Variants in TENM2 observed in about 807,000 individuals in gnomAD.
The protein encoded by TENM2 is teneurin-2.
TENM2 carries 52 observed loss-of-function variants against 245.2 expected under a neutral mutation model. That is an observed-to-expected ratio of 0.21 (90% CI 0.17 to 0.27). The LOEUF is 0.27. Ranked by LOEUF, TENM2 falls within the 10% of genes least tolerant of loss-of-function variation. The probability of loss-of-function intolerance (pLI) is 1.00; values close to 1 mark genes in which losing one functional copy is unlikely to be tolerated. For synonymous variants in TENM2, 1,363 were observed against 1,438.9 expected (o/e 0.95, Z 1.19); for missense variants, 3,046 against 3,666.8 (o/e 0.83, Z 4.37).
At chr5:167,693,031 T>A (rs1237600045) in intron 2 of TENM2, among the ~76,000 whole-genome samples, 1 of 152,228 alleles carries the variant, frequency 6.6e-6, no homozygotes, top group Non-Finnish European at 1.5e-5. Flanking sequence ...GGCCACTGAT[T>A]AAAGGGCATT....
chr5:167,488,856 G>A (rs1429403113), intron 2 of TENM2, among the ~76,000 whole-genome samples: 1 of 152,110 alleles, frequency 6.6e-6, no homozygotes, highest in Non-Finnish European at 1.5e-5. Context: ...CTCTCAAGTG[G>A]TCCTAGCTAT....
intron 2 of TENM2, among the ~76,000 whole-genome samples, chr5:167,618,148 T>C (rs1377255678): frequency 6.6e-6 from 1 of 152,146 alleles, no homozygotes; most frequent in Non-Finnish European, 1.5e-5. Flanking sequence ...ATAATGGTTA[T>C]CATTTATCGA....
At chr5:167,388,220 A>G (rs183272115) in intron 2 of TENM2, among the ~76,000 whole-genome samples, 5 of 152,250 alleles carry the variant, frequency 3.3e-5, no homozygotes, top group Admixed American at 6.5e-5. Flanking sequence ...CAGGGTATCT[A>G]ATTCTTCCTG....
intron 2 of TENM2, among the ~76,000 whole-genome samples, chr5:167,767,316 G>A (rs970779336): frequency 3.9e-5 from 6 of 152,178 alleles, no homozygotes; most frequent in Non-Finnish European, 5.9e-5. Context: ...AATATTGTAT[G>A]ATTCTACTTA....
chr5:167,374,635 T>C (rs1170672269), intron 1 of TENM2, among the ~76,000 whole-genome samples: 1 of 152,018 alleles, frequency 6.6e-6, no homozygotes, highest in African/African-American at 2.4e-5. Context: ...TAGCTGCCAC[T>C]CGTATTCATT....
At chr5:167,823,869 A>G (rs577900958) in intron 2 of TENM2, among the ~76,000 whole-genome samples, 1 of 152,100 alleles carries the variant, frequency 6.6e-6, no homozygotes, top group Non-Finnish European at 1.5e-5. Flanking sequence ...GGGGCTGGGG[A>G]AGTAGAGAAG....
chr5:167,402,598 A>G (rs544135345), intron 2 of TENM2, among the ~76,000 whole-genome samples: 8 of 152,292 alleles, frequency 5.3e-5, no homozygotes, highest in East Asian at 3.9e-4. Context: ...GCTGAAGTGT[A>G]GATTCTCTCT....
At chr5:168,025,610 G>C (rs1403345767) in intron 5 of TENM2, among the ~76,000 whole-genome samples, 1 of 152,196 alleles carries the variant, frequency 6.6e-6, no homozygotes, top group Non-Finnish European at 1.5e-5. Flanking sequence ...GATACAGGTA[G>C]GGTTTCCTTC....
At chr5:168,004,640 C>T (rs562061400) in intron 5 of TENM2, among the ~76,000 whole-genome samples, 32 of 152,080 alleles carry the variant, frequency 2.1e-4, no homozygotes, top group Admixed American at 1.7e-3. Flanking sequence ...AGTATCTGGA[C>T]GGATGGATTT....
At chr5:167,535,016 A>G (rs1771757925) in intron 2 of TENM2, among the ~76,000 whole-genome samples, 1 of 152,156 alleles carries the variant, frequency 6.6e-6, no homozygotes, top group South Asian at 2.1e-4. Context: ...TTTCTCAGAG[A>G]TAAAAATAGT....
At chr5:166,987,309 A>C in the TENM2 span, among the ~76,000 whole-genome samples, 964 of 152,170 alleles carry the variant, frequency 6.3e-3, 2 homozygotes, top group Non-Finnish European at 0.01. Context: ...GGAGGGGGGA[A>C]AATGTGTTTG....
At chr5:167,446,583 T>C (rs1765220762) in intron 2 of TENM2, among the ~76,000 whole-genome samples, 1 of 152,174 alleles carries the variant, frequency 6.6e-6, no homozygotes, top group Non-Finnish European at 1.5e-5. Flanking sequence ...TTTGTTTTAT[T>C]CTTAGTTTGC....
intron 27 of TENM2, among the ~76,000 whole-genome samples, chr5:168,250,168 ATGGG>A (rs1278943871): frequency 6.9e-6 from 1 of 144,416 alleles, no homozygotes; most frequent in East Asian, 2.2e-4. Flanking sequence ...GGATGGATGG[ATGGG>A]TAAATAGATG....
At chr5:167,937,206 T>G (rs1391186747) in intron 3 of TENM2, among the ~76,000 whole-genome samples, 1 of 152,232 alleles carries the variant, frequency 6.6e-6, no homozygotes, top group African/African-American at 2.4e-5. Context: ...ATTCCTGCTT[T>G]TGCTTCATAG....
intron 2 of TENM2, among the ~76,000 whole-genome samples, chr5:167,693,077 C>T (rs932600867): frequency 6.6e-6 from 1 of 152,206 alleles, no homozygotes; most frequent in African/African-American, 2.4e-5. Flanking sequence ...TATGTTTCAT[C>T]TGTAATTAGG....
At chr5:167,485,847 T>C (rs1375569862) in intron 2 of TENM2, among the ~76,000 whole-genome samples, 1 of 152,182 alleles carries the variant, frequency 6.6e-6, no homozygotes. Context: ...TGTTTTAATG[T>C]AGAAAAGTAT....
intron 2 of TENM2, among the ~76,000 whole-genome samples, chr5:167,431,940 C>CACATATATATACAT (rs1561950212): frequency 0.019 from 1,278 of 65,714 alleles, 60 homozygotes; most frequent in African/African-American, 0.072. Flanking sequence ...TATATATATA[C>CACATATATATACAT]ATATATATGT....
At chr5:167,978,123 C>T (rs1782577886) in intron 4 of TENM2, among the ~76,000 whole-genome samples, 1 of 152,220 alleles carries the variant, frequency 6.6e-6, no homozygotes, top group African/African-American at 2.4e-5. Context: ...GAAGCATATG[C>T]TGATGCATTG....
chr5:167,148,653 G>T, the TENM2 span, among the ~76,000 whole-genome samples: 1 of 152,072 alleles, frequency 6.6e-6, no homozygotes, highest in Non-Finnish European at 1.5e-5. Flanking sequence ...TGATATTCAG[G>T]TGCCTTCTTA....
Sources: gnomAD v4.1 joint callset for allele counts (sites outside exome capture counted in the v4.1 genomes callset) on GRCh38, gnomAD v4.1.1 for gene constraint, MANE v1.5 for transcripts, NCBI Gene and HGNC (gene_info 2026-07-23, HGNC 2026-07-21) for gene names.